The following UGT2A1 variants were observed in gnomAD, a reference collection of about 807,000 sequenced individuals.
UGT2A1 encodes the protein UDP-glucuronosyltransferase 2A1.
A neutral mutation model predicts 45.4 loss-of-function variants in UGT2A1; 61 were observed. The ratio of observed to expected loss-of-function variants is 1.34; its 90% CI spans 1.09 to 1.66. UGT2A1 has a LOEUF of 1.66. Ranked by LOEUF, UGT2A1 falls within the 40% of genes most tolerant of loss-of-function variation. The pLI, the probability that UGT2A1 is intolerant of heterozygous loss-of-function variation, is 0.00. For synonymous variants in UGT2A1, 229 were observed against 196.2 expected, an observed-to-expected ratio of 1.17 and a Z score of -1.40; for missense variants, 649 against 574.3, an observed-to-expected ratio of 1.13 and a Z score of -1.33.
In UGT2A1 at chr4:69,647,368, T is replaced by A. The variant is rs1311205327; in HGVS notation, c.277A>T (p.Thr93Ser). Residue 93 changes from threonine (T) to serine (S), a missense_variant, in exon 2 of 7, where the codon ACA becomes TCA. By Grantham distance (58) the Thr-to-Ser change is moderately conservative. Transcript: ENST00000286604. ...IEGVIKDFVL[T>S]WLENRPSPST... Reference sequence around the variant, plus strand: ...GGAGATGGTCTATTTTCCAGCCATGTCAAAACGAAGTCCTTAATTACTCCT... The same window carrying A: ...GGAGATGGTCTATTTTCCAGCCATGACAAAACGAAGTCCTTAATTACTCCT... The A allele has an allele frequency of 6.2e-7, 1 of 1,613,196 alleles. No individual in the cohort carries two copies. Among genetic ancestry groups the A allele is most frequent in the Non-Finnish European group, 8.5e-7 (1 of 1,179,528 alleles).
chr4:69,625,531 C>T lies in UGT2A1; in HGVS notation c.847+10160G>A, dbSNP rs76031598. Among the ~76,000 whole-genome samples the T allele has an allele frequency of 1.6e-3, 247 of 150,922 alleles. 1 individual carries two copies. The highest frequency in any genetic ancestry group is 2.8e-3 in the Non-Finnish European group (188 of 67,368). ...AAATTCTTTTTTTCTATGCTGTGTC[C>T]AATCTATTAATACTATCCAATGTAT... On this transcript the variant is annotated intron_variant, in intron 3 of 6. Transcript: ENST00000286604.
chr4:69,599,382 G>T lies in UGT2A1; in HGVS notation c.860C>A (p.Thr287Lys), dbSNP rs757111881. 25 of 1,613,218 alleles carry T rather than the reference G, an allele frequency of 1.5e-5. No individual in the cohort carries two copies. The highest frequency in any genetic ancestry group is 3.3e-4 in the Middle Eastern group (2 of 6,058). Reference sequence around the variant, plus strand: ...AGCTTTCCCCATAGTCTCACATAACGTAGTGGGTCTTCCTGGAGAAAATGT... The same window carrying T: ...AGCTTTCCCCATAGTCTCACATAACTTAGTGGGTCTTCCTGGAGAAAATGT... ...DYRLPAGRPT[T>K]LCETMGKAEI... Residue 287 changes from threonine (T) to lysine (K), a missense_variant, in exon 4 of 7, where the codon ACG becomes AAG. Thr to Lys is a moderately conservative substitution (Grantham distance 78, BLOSUM62 -1). Transcript: ENST00000286604.
intron 3 of UGT2A1, among the ~76,000 whole-genome samples, chr4:69,629,413 A>G (rs1335942340): frequency 3.3e-5 from 5 of 152,100 alleles, no homozygotes; most frequent in Non-Finnish European, 5.9e-5. Flanking sequence ...TTTGGAATAC[A>G]GTGCCTAATA....
intron 3 of UGT2A1, among the ~76,000 whole-genome samples, chr4:69,609,362 T>G (rs1003353374): frequency 1.3e-5 from 2 of 152,050 alleles, no homozygotes; most frequent in South Asian, 4.1e-4. Context: ...TCAGTTTTAA[T>G]TTTTTGTTTG....
At chr4:69,616,625 T>G (rs1234266476) in intron 3 of UGT2A1, among the ~76,000 whole-genome samples, 2 of 151,948 alleles carry the variant, frequency 1.3e-5, no homozygotes, top group African/African-American at 4.8e-5. Context: ...AGCCACTGGC[T>G]TACCCATTCA....
intron 3 of UGT2A1, among the ~76,000 whole-genome samples, chr4:69,632,852 C>G (rs1370581822): frequency 1.4e-5 from 2 of 146,136 alleles, no homozygotes; most frequent in Admixed American, 6.9e-5. Flanking sequence ...TGCGCCATTG[C>G]AATCCAGCCT....
intron 2 of UGT2A1, chr4:69,639,507 A>T (rs769968064): frequency 1.9e-6 from 3 of 1,613,270 alleles, no homozygotes; most frequent in Non-Finnish European, 2.5e-6. Context: ...AATAATCTTA[A>T]TATTTAACCA....
At chr4:69,598,747 G>T (rs188091832) in intron 4 of UGT2A1, among the ~76,000 whole-genome samples, 1 of 151,786 alleles carries the variant, frequency 6.6e-6, no homozygotes, top group African/African-American at 2.4e-5. Flanking sequence ...ACAGTAGATG[G>T]CACAACTGTC....
rs1310108130 is a variant in UGT2A1 at position 69,607,850 on chromosome 4, C to A, written c.848-8456G>T. 2.6e-5 allele frequency among the ~76,000 whole-genome samples: 4 copies of A among 152,136 alleles called. No individual in the cohort carries two copies. In the East Asian group the frequency reaches 5.8e-4, roughly 22 times the overall value. On this transcript the variant is annotated intron_variant, in intron 3 of 6. Transcript: ENST00000286604. ...ATCATCACTGGCCATCAGAGAAATG[C>A]AAAACAAAACCACAATGAGATACCA...
At chr4:69,621,804 T>C (rs924360786) in intron 3 of UGT2A1, among the ~76,000 whole-genome samples, 1 of 151,940 alleles carries the variant, frequency 6.6e-6, no homozygotes, top group Non-Finnish European at 1.5e-5. Context: ...ATATGCATCA[T>C]AGAAAACTAC....
intron 2 of UGT2A1, among the ~76,000 whole-genome samples, chr4:69,638,076 G>T (rs78220172): frequency 0.34 from 51,593 of 151,718 alleles, 9,064 homozygotes; most frequent in South Asian, 0.39. Flanking sequence ...GAGTGAGGGA[G>T]AAAGGAAAGA....
intron 2 of UGT2A1, among the ~76,000 whole-genome samples, chr4:69,640,572 A>G (rs1275951178): frequency 1.3e-5 from 2 of 151,916 alleles, no homozygotes. Context: ...AAATCATTAC[A>G]GGCTACCATT....
chr4:69,642,974 TA>T (rs1356739535), intron 2 of UGT2A1, among the ~76,000 whole-genome samples: 1 of 151,476 alleles, frequency 6.6e-6, no homozygotes, highest in Non-Finnish European at 1.5e-5. Context: ...AAAAATGAAA[TA>T]CCTGGTTCCA....
At chr4:69,602,601 A>C (rs533280407) in intron 3 of UGT2A1, among the ~76,000 whole-genome samples, 1 of 137,642 alleles carries the variant, frequency 7.3e-6, no homozygotes, top group African/African-American at 2.9e-5. Context: ...GCAAAACTAT[A>C]ACATAGCAAC....
intron 3 of UGT2A1, chr4:69,599,855 A>G (rs1314106381): frequency 6.5e-6 from 1 of 153,956 alleles, no homozygotes; most frequent in Non-Finnish European, 1.4e-5. Context: ...ATCAACCAAA[A>G]TTAAACTATA....
intron 3 of UGT2A1, among the ~76,000 whole-genome samples, chr4:69,620,171 T>C (rs1720658487): frequency 6.6e-6 from 1 of 151,806 alleles, no homozygotes; most frequent in Admixed American, 6.6e-5. Flanking sequence ...GGCATCCAAA[T>C]AGGAAGAGAG....
chr4:69,603,888 A>G lies in UGT2A1; in HGVS notation c.848-4494T>C, dbSNP rs966813830. Among the ~76,000 whole-genome samples, 7 of 136,422 alleles carry G rather than the reference A, an allele frequency of 5.1e-5. 2 individuals carry two copies. The highest frequency in any genetic ancestry group is 1.5e-4 in the African/African-American group (5 of 33,704). The allele number at this position is 136,422 out of a possible 152,430, so 89.5% of individuals were successfully genotyped here. A position where few individuals can be genotyped will look rare whatever the true frequency, so the allele number is the denominator to read the frequency against. ...GAGAAAAAAGAATAAAAAGAAACGA[A>G]CAAAGCCTCCAAGAAATATGGGACT... On this transcript the variant is annotated intron_variant, in intron 3 of 6. Coordinates refer to ENST00000286604, the MANE Select transcript of UGT2A1 (RefSeq NM_001252275.3).
intron 3 of UGT2A1, among the ~76,000 whole-genome samples, chr4:69,635,329 C>G (rs1334250271): frequency 6.6e-6 from 1 of 152,134 alleles, no homozygotes; most frequent in Non-Finnish European, 1.5e-5. Context: ...CTACAGTGCG[C>G]TGGGATGGAT....
chr4:69,594,686 T>C lies in UGT2A1; in HGVS notation c.1095A>G (p.Lys365=), dbSNP rs998813953. 6.2e-7 allele frequency: 1 copy of C among 1,613,366 alleles called. No individual in the cohort carries two copies. The highest frequency in any genetic ancestry group is 8.5e-7 in the Non-Finnish European group (1 of 1,179,706). ...IPQNDLLGHP[K]TKAFITHGGT... ...CACCATGAGTGATAAAAGCTTTGGT[T>C]TTGGGATGTCCTAATTTGAGGATGG... Residue 365 remains lysine, a synonymous_variant, in exon 6 of 7, where the codon AAA becomes AAG. Transcript: ENST00000286604.
Sources: gnomAD v4.1 joint callset for allele counts (sites outside exome capture counted in the v4.1 genomes callset) on GRCh38, gnomAD v4.1.1 for gene constraint, MANE v1.5 for transcripts, NCBI Gene and HGNC (gene_info 2026-07-23, HGNC 2026-07-21) for gene names.